Variants in CACNA1B observed in about 807,000 individuals in gnomAD.
The protein encoded by CACNA1B is voltage-dependent N-type calcium channel subunit alpha-1B.
A neutral mutation model predicts 247.2 loss-of-function variants in CACNA1B; 70 were observed. The observed-to-expected ratio is 0.28, with a 90% CI of 0.23 to 0.35. The LOEUF (loss-of-function observed/expected upper bound fraction) is 0.35. CACNA1B is among the 10% of genes least tolerant of loss of function. CACNA1B has a pLI of 1.00. For synonymous variants in CACNA1B, 1,231 were observed against 1,294.4 expected (o/e 0.95, Z 1.05); for missense variants, 2,367 against 3,197.4 (o/e 0.74, Z 6.26).
Position 138,022,146 on chromosome 9 carries a change from G to A in CACNA1B, c.2268-865G>A, listed in dbSNP as rs541450543. Among the ~76,000 whole-genome samples the A allele has an allele frequency of 9.2e-5, 14 of 152,324 alleles. No homozygotes were observed. In the East Asian group the frequency reaches 1.9e-3, roughly 21 times the overall value. ...TTCGGTAGCCCATGCAGTGAGGGCC[G>A]AGCCTGGACCACTGGCCATCCCTGG... On this transcript the variant is annotated intron_variant, in intron 18 of 46. Transcript: ENST00000371372.
intron 6 of CACNA1B, among the ~76,000 whole-genome samples, chr9:137,920,828 C>T (rs1016064173): frequency 2.6e-5 from 4 of 152,128 alleles, no homozygotes; most frequent in Non-Finnish European, 4.4e-5. Flanking sequence ...GAAGTCTCAA[C>T]GATGATGTGA....
At chr9:137,983,988 C>T in intron 12 of CACNA1B, 150 bp from the exon 13 acceptor site, 1 of 660,566 alleles carries the variant, frequency 1.5e-6, no homozygotes, top group East Asian at 2.7e-5. Flanking sequence ...AGGTGTGTGC[C>T]TTGTGTTACC....
Position 138,023,700 on chromosome 9 carries a change from A to G in CACNA1B, c.2957A>G (p.Gln986Arg), listed in dbSNP as rs368444723. 1 of 1,539,462 alleles carries G rather than the reference A, an allele frequency of 6.5e-7. No individual in the cohort carries two copies. Among genetic ancestry groups the G allele is most frequent in the South Asian group, 1.2e-5 (1 of 83,846 alleles). The change falls in exon 19 of 47, where the codon CAG becomes CGG. Residue 986 changes from glutamine to arginine, a missense_variant. Physicochemically the swap from Gln to Arg is conservative, Grantham distance 43 (BLOSUM62 1). This residue lies in a region of CACNA1B where 631 missense variants were observed against 631.1 expected (regional missense o/e 1.00). Transcript: ENST00000371372. ...ARRHRARHKAQPAHEAVEKET... is the reference protein window; with the variant it reads ...ARRHRARHKARPAHEAVEKET... ...CGGCACCGGGCCCGGCACAAGGCGC[A>G]GCCTGCTCACGAGGCTGTGGAGAAG...
chr9:137,902,931 CAG>C lies in CACNA1B; in HGVS notation c.531-10247_531-10246del, dbSNP rs373806642. Among the ~76,000 whole-genome samples the C allele has an allele frequency of 6.1e-4, 93 of 152,198 alleles. 2 individuals carry two copies. Among genetic ancestry groups the C allele is most frequent in the African/African-American group, 2.1e-3 (86 of 41,458 alleles). On this transcript the variant is annotated intron_variant, in intron 3 of 46. Transcript: ENST00000371372. ...TGAGGAGACGATTCTGCCTTGTGGG[CAG>C]AACTCTGTCAGATTCCTCTTGTCAA...
chr9:138,036,249 C>T (rs554345347), intron 20 of CACNA1B, among the ~76,000 whole-genome samples: 15 of 152,306 alleles, frequency 9.8e-5, no homozygotes, highest in African/African-American at 3.6e-4. Context: ...ATGCCATTCT[C>T]CTGCCTCAGC....
At position 138,048,198 on chromosome 9, in the gene CACNA1B, A is replaced by T. The variant is rs369588777; in HGVS notation, c.3603+740A>T. Among the ~76,000 whole-genome samples the T allele has an allele frequency of 7.2e-5, 11 of 152,286 alleles. No individual in the cohort carries two copies. In the East Asian group the frequency reaches 1.9e-3, roughly 27 times the overall value. On this transcript the variant is annotated intron_variant, in intron 23 of 46. Transcript: ENST00000371372. ...GTGTGTCATCATCCCCATTTTACAG[A>T]TGAGGAAGCTGACCCTTAGCGAGGT...
chr9:137,923,967 A>G (rs1308390151), intron 6 of CACNA1B, among the ~76,000 whole-genome samples: 4 of 152,110 alleles, frequency 2.6e-5, no homozygotes, highest in Admixed American at 2.0e-4. Context: ...TCTTTTGCCC[A>G]TGTTCTGTTT....
intron 15 of CACNA1B, among the ~76,000 whole-genome samples, chr9:137,989,658 G>T (rs1346350266): frequency 2.0e-5 from 3 of 152,144 alleles, no homozygotes; most frequent in Non-Finnish European, 2.9e-5. Flanking sequence ...AAACACTGGG[G>T]TACAATCACT....
rs202010470 is a variant in CACNA1B at position 137,984,260 on chromosome 9, C to G, written c.1769+10C>G. 6.4e-7 allele frequency: 1 copy of G among 1,560,356 alleles called. No individual in the cohort carries two copies. Among genetic ancestry groups the G allele is most frequent in the East Asian group, 2.4e-5 (1 of 42,190 alleles). On this transcript the variant is annotated intron_variant, in intron 13 of 46. Coordinates refer to ENST00000371372, the MANE Select transcript of CACNA1B (RefSeq NM_000718.4). ...TCTTCAAAGTCACGAAGTACGTCCC[C>G]TGCGCTCCCAGGCGAGGGCAGGTGT...
At chr9:137,921,527 C>G (rs1301206088) in intron 6 of CACNA1B, among the ~76,000 whole-genome samples, 135 of 86,898 alleles carry the variant, frequency 1.6e-3, no homozygotes, top group Admixed American at 2.3e-3. Flanking sequence ...CGGAGAACAC[C>G]ATCAGCACCG....
intron 39 of CACNA1B, among the ~76,000 whole-genome samples, chr9:138,107,394 C>T (rs1961468784): frequency 6.6e-6 from 1 of 151,848 alleles, no homozygotes; most frequent in Non-Finnish European, 1.5e-5. Flanking sequence ...TTGCAGGCAC[C>T]ACTCCTCCAT....
chr9:137,909,622 T>G (rs1338977162), intron 3 of CACNA1B, among the ~76,000 whole-genome samples: 1 of 152,174 alleles, frequency 6.6e-6, no homozygotes, highest in African/African-American at 2.4e-5. Context: ...ACATTTGTGT[T>G]CCTCCCCTCT....
chr9:138,002,927 A>C (rs1007724529), intron 15 of CACNA1B, among the ~76,000 whole-genome samples: 47 of 151,368 alleles, frequency 3.1e-4, no homozygotes, highest in Non-Finnish European at 5.6e-4. Flanking sequence ...CAGCCTCCCG[A>C]ATAGCTGGGA....
chr9:138,041,662 C>T (rs960563331), intron 20 of CACNA1B, among the ~76,000 whole-genome samples: 4 of 152,108 alleles, frequency 2.6e-5, no homozygotes, highest in East Asian at 1.9e-4. Flanking sequence ...TAGTTCCATC[C>T]GAGCCCTGGC....
Position 137,919,288 on chromosome 9 carries a change from CAGTGGCG to C in CACNA1B, c.966+1862_966+1868del, listed in dbSNP as rs1957450307. 6.6e-6 allele frequency among the ~76,000 whole-genome samples: 1 copy of C among 152,238 alleles called. No individual in the cohort carries two copies. The highest frequency in any genetic ancestry group is 2.4e-5 in the African/African-American group (1 of 41,468). On this transcript the variant is annotated intron_variant, in intron 6 of 46. Coordinates refer to ENST00000371372, the MANE Select transcript of CACNA1B (RefSeq NM_000718.4). The surrounding 1 kb of genome is among the most constrained non-coding windows in gnomAD (Gnocchi z 4.6). ...GGCATTCGACACGTAAGGGCATGGA[CAGTGGCG>C]AGTGCCGTGAAGAAAACAGAAGAGG...
At chr9:138,045,484 T>C (rs1959174187) in intron 21 of CACNA1B, among the ~76,000 whole-genome samples, 1 of 152,096 alleles carries the variant, frequency 6.6e-6, no homozygotes, top group Non-Finnish European at 1.5e-5. Context: ...AATTTGGTGA[T>C]AAATTAGATG....
At chr9:137,924,102 T>A (rs1186687100) in intron 6 of CACNA1B, among the ~76,000 whole-genome samples, 1 of 152,232 alleles carries the variant, frequency 6.6e-6, no homozygotes, top group African/African-American at 2.4e-5. Flanking sequence ...ACAAATGTTT[T>A]TAAAATTTGA....
In CACNA1B at chr9:138,112,402, G is replaced by A; in HGVS notation, c.5433G>A (p.Gly1811=). 2 of 1,611,950 alleles carry A rather than the reference G, an allele frequency of 1.2e-6. No individual in the cohort carries two copies. The highest frequency in any genetic ancestry group is 4.5e-5 in the East Asian group (2 of 44,872). Residue 1811 remains glycine, a synonymous_variant, in exon 40 of 47, where the codon GGG becomes GGA. Coordinates refer to ENST00000371372, the MANE Select transcript of CACNA1B (RefSeq NM_000718.4). ...TALEIKLAPA[G]TKQHQCDAEL... ...CCCACCATCATCCTGGTGCAGCTGG[G>A]ACAAAGCAGCATCAGTGTGACGCGG...
intron 10 of CACNA1B, among the ~76,000 whole-genome samples, chr9:137,966,290 T>C (rs1744632776): frequency 6.6e-6 from 1 of 151,506 alleles, no homozygotes; most frequent in South Asian, 2.1e-4. Flanking sequence ...AGTGGCGCGA[T>C]CTTGGCTCAC....
Sources: allele counts gnomAD v4.1 joint callset (sites outside exome capture counted in the v4.1 genomes callset), GRCh38; gene constraint gnomAD v4.1.1; regional missense constraint gnomAD v4.1.1; non-coding constraint Gnocchi (gnomAD v3.1); transcripts MANE v1.5; gene names NCBI Gene and HGNC (gene_info 2026-07-23, HGNC 2026-07-21).